SUMF1: variants seen among roughly 807,000 people sequenced by gnomAD.
The protein encoded by SUMF1 is formylglycine-generating enzyme.
In SUMF1, 48 loss-of-function variants were observed where a neutral mutation model predicts 47.6. The observed-to-expected ratio is 1.01, with a 90% CI of 0.80 to 1.28. The LOEUF is 1.28. SUMF1 is among the 50% of genes most tolerant of loss of function. SUMF1 has a pLI of 0.00. For synonymous variants in SUMF1, 230 were observed against 192.1 expected, an observed-to-expected ratio of 1.20 and a Z score of -1.63; for missense variants, 571 against 485.4, an observed-to-expected ratio of 1.18 and a Z score of -1.66.
intron 8 of SUMF1, chr3:4,316,213 C>T: frequency 1.4e-6 from 1 of 695,664 alleles, no homozygotes; most frequent in Non-Finnish European, 2.6e-6. Flanking sequence ...TTATTTTAGA[C>T]TATGAAAATG....
At chr3:4,100,204 G>A (rs2125060815) in intron 8 of SUMF1, among the ~76,000 whole-genome samples, 1 of 151,764 alleles carries the variant, frequency 6.6e-6, no homozygotes, top group South Asian at 2.1e-4. Context: ...AAATTCATAT[G>A]GAACCACAAA....
intron 8 of SUMF1, among the ~76,000 whole-genome samples, chr3:4,303,133 C>T (rs1698014185): frequency 6.6e-6 from 1 of 152,190 alleles, no homozygotes; most frequent in African/African-American, 2.4e-5. Context: ...AACTAAAGCA[C>T]CTCACTTTGT....
chr3:4,143,922 G>C (rs1425717522), intron 8 of SUMF1, among the ~76,000 whole-genome samples: 3 of 151,318 alleles, frequency 2.0e-5, no homozygotes, highest in Non-Finnish European at 4.4e-5. Flanking sequence ...ATGTACGCAT[G>C]ATAAAGTTAG....
chr3:4,424,416 G>A (rs1028367980), intron 3 of SUMF1, among the ~76,000 whole-genome samples: 9 of 152,190 alleles, frequency 5.9e-5, no homozygotes, highest in Non-Finnish European at 8.8e-5. Flanking sequence ...TGAGGTGCAC[G>A]GTAAGATGGA....
rs557322798 is a variant in SUMF1 at position 4,367,136 on chromosome 3, G to T, written c.1015-4882C>A. ...GTGTCAGTCTGCCCCTACTGGGGGG[G>T]TGCCTCACAGTTAGGCTGCTCGGGG... On this transcript the variant is annotated intron_variant, in intron 8 of 8. Transcript: ENST00000272902. 1.6e-4 allele frequency among the ~76,000 whole-genome samples: 24 copies of T among 152,138 alleles called. No individual in the cohort carries two copies. The East Asian group carries it at 3.9e-3, about 25-fold the overall frequency.
intron 8 of SUMF1, among the ~76,000 whole-genome samples, chr3:4,279,511 T>C (rs1697486277): frequency 6.6e-6 from 1 of 152,190 alleles, no homozygotes; most frequent in Non-Finnish European, 1.5e-5. Flanking sequence ...CAAGATATAC[T>C]GGAAAGTAGA....
At chr3:4,233,201 G>C (rs1391606950) in intron 8 of SUMF1, among the ~76,000 whole-genome samples, 3 of 152,068 alleles carry the variant, frequency 2.0e-5, no homozygotes, top group African/African-American at 7.2e-5. Flanking sequence ...GTGGGAGCTT[G>C]GTCAGCATTT....
chr3:4,296,149 T>C lies in SUMF1; in HGVS notation c.1014+80181A>G, dbSNP rs371415035. 1.0e-3 allele frequency among the ~76,000 whole-genome samples: 159 copies of C among 152,224 alleles called. 4 individuals carry two copies. The highest frequency in any genetic ancestry group is 5.6e-3 in the Admixed American group (85 of 15,294). ...AAAAAACAATACTGGGTATGACTTATGTGCTATAGAAGTATTAGCCATTAT... is the reference window on the plus strand; with the variant it reads ...AAAAAACAATACTGGGTATGACTTACGTGCTATAGAAGTATTAGCCATTAT... On this transcript the variant is annotated intron_variant and NMD_transcript_variant, in intron 8 of 12. Coordinates refer to the SUMF1 transcript ENST00000448413.
At chr3:4,298,818 C>G (rs753323934) in intron 8 of SUMF1, among the ~76,000 whole-genome samples, 1 of 152,202 alleles carries the variant, frequency 6.6e-6, no homozygotes, top group Admixed American at 6.5e-5. Context: ...CTCTGAATAT[C>G]TGAGAAATTC....
rs946009740 is a variant in SUMF1, at chr3:4,193,653, A to G, written c.1015-124908T>C. ...GGTACACAAATAGTGTCATAAAAGT[A>G]ATGCAGTTACTATTCATACCCTGAG... is the stretch of plus-strand genomic sequence containing the variant. On this transcript the variant is annotated intron_variant and NMD_transcript_variant, in intron 8 of 12. Transcript: ENST00000448413. Among the ~76,000 whole-genome samples the G allele has an allele frequency of 4.6e-5, 7 of 152,124 alleles. 1 individual carries two copies. The highest frequency in any genetic ancestry group is 1.3e-4 in the Admixed American group (2 of 15,252).
chr3:4,368,749 C>G (rs1411333060), intron 8 of SUMF1, among the ~76,000 whole-genome samples: 1 of 152,202 alleles, frequency 6.6e-6, no homozygotes, highest in African/African-American at 2.4e-5. Context: ...ATATCCCTGA[C>G]TACCTAGCAG....
chr3:4,202,028 G>A lies in SUMF1; in HGVS notation c.1015-133283C>T, dbSNP rs141666487. Among the ~76,000 whole-genome samples the A allele has an allele frequency of 1.3e-3, 195 of 151,950 alleles. 1 individual carries two copies. Among genetic ancestry groups the A allele is most frequent in the Middle Eastern group, 6.8e-3 (2 of 294 alleles). On this transcript the variant is annotated intron_variant and NMD_transcript_variant, in intron 8 of 12. Coordinates refer to the SUMF1 transcript ENST00000448413. ...TAATTGCTTGTCAGATGGATAGTTT[G>A]CAAATATACTCCCATTCTGTGGGTT...
At chr3:4,362,394 A>G in intron 8 of SUMF1, 140 bp from the exon 9 acceptor site, 1 of 727,296 alleles carries the variant, frequency 1.4e-6, no homozygotes, top group African/African-American at 1.7e-5. Context: ...TGTATGCTTT[A>G]AAAAGGGCAG....
chr3:4,410,655 C>G (rs2125009339), intron 7 of SUMF1, among the ~76,000 whole-genome samples: 1 of 152,264 alleles, frequency 6.6e-6, no homozygotes, highest in East Asian at 1.9e-4. Context: ...CCATCACAAT[C>G]CAGGAAAAGA....
At chr3:4,446,450 T>A (rs952388402) in intron 3 of SUMF1, among the ~76,000 whole-genome samples, 1 of 152,242 alleles carries the variant, frequency 6.6e-6, no homozygotes, top group Non-Finnish European at 1.5e-5. Context: ...CCATTAAACC[T>A]CTTTTTCTTT....
intron 3 of SUMF1, among the ~76,000 whole-genome samples, chr3:4,432,560 G>T (rs1702266136): frequency 6.6e-6 from 1 of 152,036 alleles, no homozygotes; most frequent in South Asian, 2.1e-4. Context: ...CCTCCCTACT[G>T]GTCATGCTAG....
intron 9 of SUMF1, among the ~76,000 whole-genome samples, chr3:4,060,574 T>C (rs979526036): frequency 1.3e-5 from 2 of 152,128 alleles, no homozygotes; most frequent in South Asian, 4.2e-4. Flanking sequence ...TTCAAACACA[T>C]TAACATTCAA....
intron 9 of SUMF1, among the ~76,000 whole-genome samples, chr3:4,067,556 G>T (rs774843141): frequency 1.3e-5 from 2 of 152,184 alleles, no homozygotes; most frequent in Non-Finnish European, 2.9e-5. Context: ...TATTGGGACA[G>T]ATAAGGCATT....
In SUMF1 at chr3:4,183,615, T is replaced by G. The variant is rs145182218; in HGVS notation, c.1015-114870A>C. Among the ~76,000 whole-genome samples, 629 of 128,386 alleles carry G rather than the reference T, an allele frequency of 4.9e-3. 6 individuals are homozygous for G. Among genetic ancestry groups the G allele is most frequent in the African/African-American group, 0.018 (610 of 34,422 alleles). 84.2% of individuals were successfully genotyped at this position (128,386 alleles called of 152,430 possible). On this transcript the variant is annotated intron_variant and NMD_transcript_variant, in intron 8 of 12. Transcript: ENST00000448413. ...AGAAAAGCATTACAGGCTCACTTCT[T>G]TGGCAGGATCTACACCTAAATAACT...
Sources: gnomAD v4.1 joint callset for allele counts (sites outside exome capture counted in the v4.1 genomes callset) on GRCh38, gnomAD v4.1.1 for gene constraint, MANE v1.5 for transcripts, NCBI Gene and HGNC (gene_info 2026-07-23, HGNC 2026-07-21) for gene names.